The following CDH18 variants were observed in gnomAD, a reference collection of about 807,000 sequenced individuals.
CDH18 encodes cadherin 18, also known as cadherin-18.
CDH18 carries 31 observed loss-of-function variants against 67.9 expected under a neutral mutation model. The ratio of observed to expected loss-of-function variants is 0.46; its 90% confidence interval spans 0.34 to 0.62. CDH18 has a LOEUF of 0.62. CDH18 is among the 20% of genes least tolerant of loss of function. The pLI, the probability that CDH18 is intolerant of heterozygous loss-of-function variation, is 0.01. For missense variants in CDH18, 890 were observed against 975.5 expected (o/e 0.91, Z 1.17); for synonymous variants, 362 against 347.2 (o/e 1.04, Z -0.48).
At chr5:19,711,997 G>T (rs1201895658) in intron 5 of CDH18, among the ~76,000 whole-genome samples, 3 of 152,094 alleles carry the variant, frequency 2.0e-5, no homozygotes, top group Non-Finnish European at 4.4e-5. Context: ...ATGAAATCAT[G>T]TCTTTTGCAG....
intron 1 of CDH18, among the ~76,000 whole-genome samples, chr5:20,473,394 C>T (rs1752223699): frequency 6.6e-6 from 1 of 151,554 alleles, no homozygotes; most frequent in African/African-American, 2.4e-5. Flanking sequence ...GACTTTTATA[C>T]TTGAGTGGGT....
At chr5:20,366,712 TAGC>T (rs1489449313) in intron 1 of CDH18, among the ~76,000 whole-genome samples, 1 of 152,220 alleles carries the variant, frequency 6.6e-6, no homozygotes, top group Non-Finnish European at 1.5e-5. Flanking sequence ...TGGAAACACT[TAGC>T]ATGGTTCCTG....
chr5:20,119,876 A>G (rs1221807348), intron 2 of CDH18, among the ~76,000 whole-genome samples: 1 of 152,018 alleles, frequency 6.6e-6, no homozygotes, highest in Non-Finnish European at 1.5e-5. Context: ...TTGTAGTTAT[A>G]TATTAAAATT....
intron 1 of CDH18, among the ~76,000 whole-genome samples, chr5:20,470,995 C>T (rs1412140738): frequency 6.6e-6 from 1 of 152,220 alleles, no homozygotes; most frequent in Non-Finnish European, 1.5e-5. Context: ...TCAGCTTCCT[C>T]ACCATTCCTG....
intron 2 of CDH18, among the ~76,000 whole-genome samples, chr5:19,862,459 C>G (rs554878214): frequency 6.6e-6 from 1 of 152,226 alleles, no homozygotes; most frequent in South Asian, 2.1e-4. Context: ...TACAAACATA[C>G]GATTCAAAGC....
intron 1 of CDH18, among the ~76,000 whole-genome samples, chr5:20,299,652 T>C (rs200026458): frequency 2.0e-5 from 3 of 149,400 alleles, no homozygotes; most frequent in Admixed American, 6.8e-5. Flanking sequence ...CCAGCTACTC[T>C]GGAGGCTGAG....
At chr5:19,495,717 C>CAAAAAAAAAAAAA (rs749003068) in intron 11 of CDH18, among the ~76,000 whole-genome samples, 18 of 46,548 alleles carry the variant, frequency 3.9e-4, no homozygotes, top group South Asian at 1.2e-3. Flanking sequence ...GAAACTGTCT[C>CAAAAAAAAAAAAA]AAAAAAAAAA....
At chr5:19,909,325 G>A (rs1485911067) in intron 2 of CDH18, among the ~76,000 whole-genome samples, 1 of 149,914 alleles carries the variant, frequency 6.7e-6, no homozygotes, top group South Asian at 2.1e-4. Flanking sequence ...TTTTGAGATG[G>A]GGTCTTGCTC....
intron 1 of CDH18, among the ~76,000 whole-genome samples, chr5:20,483,121 A>C (rs952202011): frequency 2.0e-5 from 3 of 152,100 alleles, no homozygotes; most frequent in African/African-American, 7.2e-5. Context: ...CTATGTGTCA[A>C]TAGTGAACAA....
Position 20,090,839 on chromosome 5 carries a change from G to T in CDH18, c.-517-98825C>A, listed in dbSNP as rs2150559569. ...GAGCCCAGGTGTTCAAGACCATTCT[G>T]GGCAACATGGTGAAACCCCAGATTT... On this transcript the variant is annotated intron_variant, in intron 2 of 14. Transcript: ENST00000507958. Among the ~76,000 whole-genome samples the T allele has an allele frequency of 2.0e-5, 3 of 151,890 alleles. No individual in the cohort carries two copies. In the Middle Eastern group the frequency reaches 0.01, roughly 520 times the overall value.
chr5:19,715,763 A>C (rs1489646184), intron 5 of CDH18, among the ~76,000 whole-genome samples: 1 of 151,946 alleles, frequency 6.6e-6, no homozygotes. Context: ...AGACTATTTC[A>C]AATTCTCATA....
intron 2 of CDH18, among the ~76,000 whole-genome samples, chr5:20,134,120 T>A (rs1173044796): frequency 6.6e-6 from 1 of 152,004 alleles, no homozygotes; most frequent in African/African-American, 2.4e-5. Context: ...CAGGACTGTG[T>A]CACCACACTA....
intron 1 of CDH18, among the ~76,000 whole-genome samples, chr5:20,487,095 C>T (rs1753244647): frequency 1.3e-5 from 2 of 152,128 alleles, no homozygotes; most frequent in African/African-American, 4.8e-5. Context: ...GGCTGCAAAG[C>T]CTGCAGTGTT....
At chr5:19,631,830 AC>A (rs1444946395) in intron 5 of CDH18, among the ~76,000 whole-genome samples, 1 of 152,046 alleles carries the variant, frequency 6.6e-6, no homozygotes, top group African/African-American at 2.4e-5. Flanking sequence ...TGTCTCTTTT[AC>A]TTGGCAATTC....
In CDH18 at chr5:20,242,825, T is replaced by C. The variant is rs574716065; in HGVS notation, c.-518+12619A>G. ...ATAACAATATTTAAATATTCTATGC[T>C]TTATTTCTGACCTAATCTTTCTCTT... On this transcript the variant is annotated intron_variant, in intron 2 of 14. Coordinates refer to the CDH18 transcript ENST00000507958. Among the ~76,000 whole-genome samples the C allele has an allele frequency of 1.6e-4, 24 of 151,680 alleles. No individual in the cohort carries two copies. In the South Asian group the frequency reaches 2.7e-3, roughly 17 times the overall value.
intron 5 of CDH18, among the ~76,000 whole-genome samples, chr5:19,682,406 G>C (rs930261268): frequency 6.6e-6 from 1 of 151,964 alleles, no homozygotes; most frequent in African/African-American, 2.4e-5. Flanking sequence ...AGGTAGCACT[G>C]GTCCTTAGAG....
At chr5:19,786,510 G>T (rs1280985555) in intron 3 of CDH18, among the ~76,000 whole-genome samples, 1 of 152,038 alleles carries the variant, frequency 6.6e-6, no homozygotes, top group Non-Finnish European at 1.5e-5. Flanking sequence ...GGATAAATCA[G>T]CTCTACAAGA....
At chr5:19,624,404 A>G (rs1306105620) in intron 5 of CDH18, among the ~76,000 whole-genome samples, 1 of 152,226 alleles carries the variant, frequency 6.6e-6, no homozygotes, top group Non-Finnish European at 1.5e-5. Context: ...ATATTATTAA[A>G]GCATGCCTAC....
At chr5:19,784,653 G>A (rs1775505289) in intron 3 of CDH18, among the ~76,000 whole-genome samples, 2 of 152,018 alleles carry the variant, frequency 1.3e-5, no homozygotes, top group South Asian at 2.1e-4. Context: ...AATAGCTCTC[G>A]CAGGTAATTC....
Sources: allele counts gnomAD v4.1 joint callset (sites outside exome capture counted in the v4.1 genomes callset), GRCh38; gene constraint gnomAD v4.1.1; transcripts MANE v1.5; gene names NCBI Gene and HGNC (gene_info 2026-07-23, HGNC 2026-07-21).